The following MAP4K5 variants were observed in gnomAD, a reference collection of about 807,000 sequenced individuals.
MAP4K5 encodes the protein MAPK/ERK kinase kinase kinase 5.
In MAP4K5, 82 loss-of-function variants were observed where a neutral mutation model predicts 135.6. The observed-to-expected ratio is 0.60, with a 90% CI of 0.51 to 0.73. The LOEUF (loss-of-function observed/expected upper bound fraction) is 0.73, where lower values mean the gene tolerates loss of function less well. Among genes scored for constraint, MAP4K5 ranks in the 30% least tolerant of loss-of-function variants. The pLI is 0.00. For missense variants in MAP4K5, 907 were observed against 1,010.9 expected, an observed-to-expected ratio of 0.90 and a Z score of 1.39; for synonymous variants, 347 against 335.0, an observed-to-expected ratio of 1.04 and a Z score of -0.39.
Position 50,464,055 on chromosome 14 carries a change from C to A in MAP4K5, c.816G>T (p.Leu272=). The change falls in exon 12 of 33, where the codon CTG becomes CTT. Residue 272 remains leucine, a synonymous_variant. Coordinates refer to ENST00000682126, the MANE Select transcript of MAP4K5 (RefSeq NM_006575.6). ...PKKRPTAERL[L]THTFVAQPGL... is the part of the protein sequence containing the mutation. ...CCTCGTAATTTCAATGACTTACAGT[C>A]AGAAGTCTTTCAGCAGTTGGTCTTT... 1 of 1,530,456 alleles carries A rather than the reference C, an allele frequency of 6.5e-7. No homozygotes were observed. Among genetic ancestry groups the A allele is most frequent in the South Asian group, 1.2e-5 (1 of 83,508 alleles). The allele number at this position is 1,530,456 out of a possible 1,614,324, so 94.8% of individuals were successfully genotyped here.
chr14:50,532,326 T>C, intron 1 of MAP4K5, 122 bp downstream of exon 1: 9 of 341,416 alleles, frequency 2.6e-5, no homozygotes, highest in South Asian at 1.2e-4. Flanking sequence ...CTGCGGCCCT[T>C]CCCCCTCCCC....
At chr14:50,508,927 C>T (rs904921262) in intron 2 of MAP4K5, among the ~76,000 whole-genome samples, 15 of 152,144 alleles carry the variant, frequency 9.9e-5, no homozygotes, top group African/African-American at 3.1e-4. Context: ...AAGACACATG[C>T]ACATGTATGT....
chr14:50,516,501 G>A (rs1232089788), intron 2 of MAP4K5, among the ~76,000 whole-genome samples: 3 of 152,186 alleles, frequency 2.0e-5, no homozygotes, highest in Non-Finnish European at 2.9e-5. Context: ...TAAGTAGTCA[G>A]AAGAAAAGAG....
intron 6 of MAP4K5, among the ~76,000 whole-genome samples, chr14:50,482,005 AGAGG>A (rs2037253496): frequency 6.6e-6 from 1 of 152,218 alleles, no homozygotes; most frequent in Non-Finnish European, 1.5e-5. Flanking sequence ...GTTACAATTG[AGAGG>A]TTTGGTAATT....
chr14:50,520,457 T>A (rs960863362), intron 2 of MAP4K5, among the ~76,000 whole-genome samples: 1 of 152,104 alleles, frequency 6.6e-6, no homozygotes, highest in South Asian at 2.1e-4. Context: ...GCCGAGATCA[T>A]GGCACTGCAT....
At chr14:50,560,390 G>A in intron 1 of MAP4K5, 1 of 1,507,848 alleles carries the variant, frequency 6.6e-7, no homozygotes, top group Non-Finnish European at 9.0e-7. Context: ...GCCAAGGGCT[G>A]CTAGGTGCCT....
At position 50,446,089 on chromosome 14, in the gene MAP4K5, AG is replaced by A; in HGVS notation, c.1174del (p.Leu392TyrfsTer7). On this transcript the variant is annotated frameshift_variant, in exon 17 of 33. Transcript: ENST00000682126. LOFTEE classifies it high-confidence loss of function. ...CATTAAGTAGCTCACCTTAGGAGGT[AG>A]GGGAGGTGGTATTGCACGTTTTGAG... ...STSKRAIPPP[L>X]PPKPRISSYP... The A allele has an allele frequency of 6.4e-7, 1 of 1,568,048 alleles. No individual in the cohort carries two copies. Among genetic ancestry groups the A allele is most frequent in the Non-Finnish European group, 8.6e-7 (1 of 1,158,766 alleles).
chr14:50,422,938 CA>C (rs201784793), intron 32 of MAP4K5, among the ~76,000 whole-genome samples, 182 bp downstream of exon 32: 2,011 of 152,254 alleles, frequency 0.013, 16 homozygotes, highest in Middle Eastern at 0.041. Flanking sequence ...CTCACACTGA[CA>C]AAAGGTTGCT....
intron 2 of MAP4K5, among the ~76,000 whole-genome samples, chr14:50,519,560 A>G (rs1188475528): frequency 6.6e-6 from 1 of 152,152 alleles, no homozygotes; most frequent in Non-Finnish European, 1.5e-5. Flanking sequence ...AGACTGAAGC[A>G]GGAGAATTGC....
At chr14:50,468,424 A>G (rs1480040943) in intron 10 of MAP4K5, 2 of 496,482 alleles carry the variant, frequency 4.0e-6, no homozygotes, top group Non-Finnish European at 7.1e-6. Flanking sequence ...CAGTAGTGAG[A>G]AGGAGAAAAG....
At chr14:50,431,452 T>A (rs1216584514) in intron 28 of MAP4K5, among the ~76,000 whole-genome samples, 1 of 152,084 alleles carries the variant, frequency 6.6e-6, no homozygotes, top group Non-Finnish European at 1.5e-5. Context: ...CCTTCCTGTG[T>A]CCATGTGTTC....
chr14:50,515,016 G>C (rs575768959), intron 2 of MAP4K5, among the ~76,000 whole-genome samples: 2 of 151,500 alleles, frequency 1.3e-5, no homozygotes, highest in African/African-American at 4.9e-5. Flanking sequence ...TAATTCTCTC[G>C]CTTCAGCCTC....
intron 2 of MAP4K5, among the ~76,000 whole-genome samples, chr14:50,529,212 C>T (rs961491565): frequency 4.0e-5 from 6 of 151,404 alleles, no homozygotes; most frequent in African/African-American, 1.5e-4. Context: ...GCAAGACCTC[C>T]TCTCTACTAA....
chr14:50,554,446 C>T (rs2038740766), intron 1 of MAP4K5, among the ~76,000 whole-genome samples: 1 of 152,160 alleles, frequency 6.6e-6, no homozygotes. Context: ...CACTCAAGGA[C>T]TTTCATGCAA....
intron 3 of MAP4K5, among the ~76,000 whole-genome samples, chr14:50,492,530 G>A (rs1339224161): frequency 3.3e-5 from 5 of 151,212 alleles, no homozygotes; most frequent in African/African-American, 1.2e-4. Context: ...GGAGTTCAAG[G>A]CTGCAGTGAG....
chr14:50,470,658 AC>A (rs2036938272), intron 9 of MAP4K5, among the ~76,000 whole-genome samples: 2 of 2,216 alleles, frequency 9.0e-4, no homozygotes, highest in South Asian at 0.17. Context: ...ATTTTTACAC[AC>A]ACACACACAC....
intron 5 of MAP4K5, chr14:50,483,160 A>T (rs1468471949): frequency 6.6e-6 from 1 of 152,224 alleles, no homozygotes; most frequent in Admixed American, 6.5e-5. Context: ...TTTTTTATAG[A>T]TCAAGATGCT....
intron 2 of MAP4K5, among the ~76,000 whole-genome samples, chr14:50,524,007 A>C (rs532388159): frequency 7.9e-5 from 12 of 152,032 alleles, no homozygotes; most frequent in Middle Eastern, 3.4e-3. Flanking sequence ...TTTATCCCCT[A>C]CTCTAGTCCC....
chr14:50,434,301 C>T, intron 28 of MAP4K5, 93 bp downstream of exon 28: 1 of 870,638 alleles, frequency 1.1e-6, no homozygotes, highest in East Asian at 2.7e-5. Flanking sequence ...TTAAAAGAGC[C>T]CACACTGGTG....
Sources: gnomAD v4.1 joint callset for allele counts (sites outside exome capture counted in the v4.1 genomes callset) on GRCh38, gnomAD v4.1.1 for gene constraint, MANE v1.5 for transcripts, NCBI Gene and HGNC (gene_info 2026-07-23, HGNC 2026-07-21) for gene names.